Variants in AMPH observed in about 807,000 individuals in gnomAD.
AMPH encodes the protein amphiphysin (Stiff-Mann syndrome with breast cancer 128kD autoantigen).
Under a neutral mutation model 99.1 loss-of-function variants are expected in AMPH, and 49 were observed. The observed-to-expected ratio is 0.49, with a 90% confidence interval of 0.39 to 0.63. The LOEUF (loss-of-function observed/expected upper bound fraction) is 0.63. AMPH is among the 20% of genes least tolerant of loss of function. The pLI is 0.00. For missense variants in AMPH, 759 were observed against 863.4 expected, an observed-to-expected ratio of 0.88 and a Z score of 1.52; for synonymous variants, 314 against 317.3, an observed-to-expected ratio of 0.99 and a Z score of 0.11.
intron 3 of AMPH, among the ~76,000 whole-genome samples, chr7:38,499,140 T>C (rs1243557663): frequency 6.6e-6 from 1 of 152,206 alleles, no homozygotes; most frequent in Non-Finnish European, 1.5e-5. Flanking sequence ...TGGCACTCAA[T>C]GCACGTATCT....
At chr7:38,607,860 C>G (rs1793488076) in intron 1 of AMPH, among the ~76,000 whole-genome samples, 1 of 152,220 alleles carries the variant, frequency 6.6e-6, no homozygotes, top group Non-Finnish European at 1.5e-5. Flanking sequence ...ACTCCATTTA[C>G]AAAGCCTTAT....
At chr7:38,597,186 A>G (rs1793088830) in intron 1 of AMPH, among the ~76,000 whole-genome samples, 2 of 152,180 alleles carry the variant, frequency 1.3e-5, no homozygotes, top group African/African-American at 4.8e-5. Context: ...CATACAATAA[A>G]TAATAAAAGT....
chr7:38,457,603 A>G (rs547139267), intron 11 of AMPH, among the ~76,000 whole-genome samples: 3 of 152,342 alleles, frequency 2.0e-5, no homozygotes, highest in Admixed American at 2.0e-4. Flanking sequence ...CTTGAGGGCC[A>G]AGAGAGAACA....
At chr7:38,572,644 C>T (rs771772216) in intron 1 of AMPH, among the ~76,000 whole-genome samples, 3 of 152,186 alleles carry the variant, frequency 2.0e-5, no homozygotes, top group Non-Finnish European at 4.4e-5. Context: ...CTGAAAGAAG[C>T]TGGCACCAGA....
At chr7:38,417,802 G>A in intron 17 of AMPH, 23 bp downstream of exon 17, 1 of 1,612,618 alleles carries the variant, frequency 6.2e-7, no homozygotes, top group Non-Finnish European at 8.5e-7. Flanking sequence ...GCAGATGGAG[G>A]GTGAGAGGGA....
intron 1 of AMPH, among the ~76,000 whole-genome samples, chr7:38,613,706 T>C (rs1793764290): frequency 6.6e-6 from 1 of 152,220 alleles, no homozygotes. Context: ...CTGTATGAGA[T>C]TGCTGATATT....
intron 1 of AMPH, among the ~76,000 whole-genome samples, chr7:38,549,451 G>C (rs946185246): frequency 1.3e-5 from 2 of 152,200 alleles, no homozygotes; most frequent in African/African-American, 4.8e-5. Context: ...GGAGAATAAA[G>C]AAAGGATGCT....
intron 5 of AMPH, among the ~76,000 whole-genome samples, chr7:38,485,246 T>G (rs1788443072): frequency 6.6e-6 from 1 of 151,974 alleles, no homozygotes; most frequent in South Asian, 2.1e-4. Context: ...TTACTTTAGA[T>G]TATAGAACAC....
intron 4 of AMPH, 129 bp downstream of exon 4, chr7:38,494,304 C>T (rs1382390080): frequency 6.4e-6 from 5 of 779,242 alleles, no homozygotes; most frequent in African/African-American, 1.7e-5. Context: ...GGCAGCAGAA[C>T]TGCACAGTGC....
At chr7:38,415,037 G>T (rs1266165524) in intron 17 of AMPH, among the ~76,000 whole-genome samples, 1 of 152,070 alleles carries the variant, frequency 6.6e-6, no homozygotes, top group Non-Finnish European at 1.5e-5. Context: ...GTAAAGACAA[G>T]AGTGTTGTTT....
At chr7:38,508,583 CATCTGCATGAAAGGTGG>C (rs1455903908) in intron 2 of AMPH, among the ~76,000 whole-genome samples, 18 of 152,184 alleles carry the variant, frequency 1.2e-4, no homozygotes, top group Non-Finnish European at 2.1e-4. Context: ...GCAGTACTAA[CATCTGCATGAAAGGTGG>C]ATCTTAGGAG....
At chr7:38,415,720 T>C (rs2128986294) in intron 17 of AMPH, among the ~76,000 whole-genome samples, 1 of 152,226 alleles carries the variant, frequency 6.6e-6, no homozygotes, top group East Asian at 1.9e-4. Flanking sequence ...TGCTGTAAAC[T>C]GTCTCCTCTT....
chr7:38,592,322 T>C (rs1249288190), intron 1 of AMPH, among the ~76,000 whole-genome samples: 3 of 152,192 alleles, frequency 2.0e-5, no homozygotes, highest in Non-Finnish European at 4.4e-5. Flanking sequence ...TGGCCAGATT[T>C]GGGGGCCTAT....
chr7:38,415,409 A>T (rs1448829584), intron 17 of AMPH, among the ~76,000 whole-genome samples: 1 of 152,198 alleles, frequency 6.6e-6, no homozygotes, highest in Non-Finnish European at 1.5e-5. Context: ...CGACAACCAC[A>T]GCCAGCCAAT....
chr7:38,612,558 C>T (rs1169353209), intron 1 of AMPH, among the ~76,000 whole-genome samples: 1 of 152,096 alleles, frequency 6.6e-6, no homozygotes, highest in Non-Finnish European at 1.5e-5. Context: ...ATAGATTATC[C>T]ATATGAAAGA....
At position 38,385,052 on chromosome 7, in the gene AMPH, G is replaced by A. The variant is rs1047441859; in HGVS notation, c.1981-127C>T. The stretch of plus-strand genomic sequence containing the variant: ...ACCAGGATGTCACATTACAGGTAAA[G>A]TGCTGTGCCGTGATCAATGGGAAGG... On this transcript the variant is annotated intron_variant, in intron 20 of 20. Transcript: ENST00000356264. 15 of 761,860 alleles carry A rather than the reference G, an allele frequency of 2.0e-5. No homozygotes were observed. In the Admixed American group the frequency reaches 3.0e-4, roughly 15 times the overall value. The allele number at this position is 761,860 out of a possible 1,614,324, so 47.2% of individuals were successfully genotyped here.
chr7:38,491,203 C>A, intron 4 of AMPH, 58 bp from the exon 5 acceptor site: 1 of 1,193,034 alleles, frequency 8.4e-7, no homozygotes, highest in East Asian at 2.5e-5. Flanking sequence ...TTTCACCAAA[C>A]TTCTAAAAAA....
At chr7:38,618,448 C>A (rs1793948096) in intron 1 of AMPH, among the ~76,000 whole-genome samples, 1 of 151,786 alleles carries the variant, frequency 6.6e-6, no homozygotes, top group Non-Finnish European at 1.5e-5. Context: ...GGAGGCAGAG[C>A]TTACAGTGAG....
At chr7:38,503,573 C>A in intron 3 of AMPH, 77 bp downstream of exon 3, 1 of 1,437,762 alleles carries the variant, frequency 7.0e-7, no homozygotes. Context: ...TTGTAATTAA[C>A]ACTCAATCCT....
Sources: gnomAD v4.1 joint callset for allele counts (sites outside exome capture counted in the v4.1 genomes callset) on GRCh38, gnomAD v4.1.1 for gene constraint, MANE v1.5 for transcripts, NCBI Gene and HGNC (gene_info 2026-07-23, HGNC 2026-07-21) for gene names.